KDM2B: variants seen among roughly 807,000 people sequenced by gnomAD.
The protein encoded by KDM2B is lysine demethylase 2B.
A neutral mutation model predicts 150.0 loss-of-function variants in KDM2B; 26 were observed. The observed-to-expected ratio is 0.17, with a 90% CI of 0.13 to 0.24. The LOEUF (loss-of-function observed/expected upper bound fraction) is 0.24. KDM2B is among the 10% of genes least tolerant of loss of function. KDM2B has a pLI of 1.00. For missense variants in KDM2B, 1,265 were observed against 1,816.9 expected (o/e 0.70, Z 5.52); for synonymous variants, 734 against 729.5 (o/e 1.01, Z -0.10).
At chr12:121,541,085 A>G (rs1229139903) in intron 6 of KDM2B, among the ~76,000 whole-genome samples, 1 of 151,962 alleles carries the variant, frequency 6.6e-6, no homozygotes, top group Non-Finnish European at 1.5e-5. Flanking sequence ...ATACAAAATT[A>G]GCCAGCCGTG....
intron 6 of KDM2B, among the ~76,000 whole-genome samples, chr12:121,546,590 A>C (rs1555310739): frequency 6.7e-6 from 1 of 149,860 alleles, no homozygotes; most frequent in Non-Finnish European, 1.5e-5. Flanking sequence ...TGTTTAGTAG[A>C]GACGGGGTTT....
At position 121,520,854 on chromosome 12, in the gene KDM2B, C is replaced by A; in HGVS notation, c.1047+131G>T. The stretch of plus-strand genomic sequence containing the variant: ...CCCCGCCACAGAACCAGGACTGAAG[C>A]CAGCTTGAGAGAGGAATCGGGAGGG... On this transcript the variant is annotated intron_variant, in intron 9 of 22. Transcript: ENST00000377071. This position sits in a 1 kb window ranked among gnomAD's most constrained non-coding sequence, Gnocchi z 4.5. The A allele has an allele frequency of 3.6e-6, 2 of 555,162 alleles. No homozygotes were observed. Among genetic ancestry groups the A allele is most frequent in the East Asian group, 3.7e-5 (1 of 26,824 alleles). 34.4% of individuals were successfully genotyped at this position (555,162 alleles called of 1,614,324 possible).
At chr12:121,501,978 C>CA (rs1555302052) in intron 11 of KDM2B, among the ~76,000 whole-genome samples, 4 of 152,166 alleles carry the variant, frequency 2.6e-5, no homozygotes, top group Non-Finnish European at 4.4e-5. Context: ...TTACACCTCA[C>CA]TGTTCTACAT....
At chr12:121,414,782 C>T in the KDM2B span, among the ~76,000 whole-genome samples, 4 of 150,446 alleles carry the variant, frequency 2.7e-5, no homozygotes, top group African/African-American at 9.8e-5. Context: ...AAGCAATTCT[C>T]GTGCCTTTGG....
At chr12:121,425,915 C>T (rs555170090), downstream of KDM2B, among the ~76,000 whole-genome samples, 8 of 152,104 alleles carry the variant, frequency 5.3e-5, no homozygotes, top group East Asian at 3.9e-4. Context: ...TACAGGCACC[C>T]GCCACCACGC....
At chr12:121,508,087 T>C (rs1420684752) in intron 11 of KDM2B, among the ~76,000 whole-genome samples, 1 of 151,994 alleles carries the variant, frequency 6.6e-6, no homozygotes, top group Non-Finnish European at 1.5e-5. Context: ...ATTAGTATGG[T>C]TGTTTTGGGT....
At chr12:121,481,677 A>G (rs926111727) in intron 12 of KDM2B, among the ~76,000 whole-genome samples, 2 of 152,220 alleles carry the variant, frequency 1.3e-5, no homozygotes, top group Non-Finnish European at 2.9e-5. Context: ...GCAATCGGTT[A>G]TAGTACCTGC....
chr12:121,445,514 C>G, intron 13 of KDM2B, 96 bp from the exon 14 acceptor site: 1 of 1,329,350 alleles, frequency 7.5e-7, no homozygotes, highest in Non-Finnish European at 1.0e-6. Flanking sequence ...TCCCCTTGGG[C>G]CTGCCAGGAG....
At chr12:121,471,290 C>G (rs1183536406) in intron 12 of KDM2B, among the ~76,000 whole-genome samples, 2 of 152,120 alleles carry the variant, frequency 1.3e-5, no homozygotes, top group African/African-American at 4.8e-5. Context: ...AAGAGGTCCC[C>G]AAAGCTGATG....
downstream of KDM2B, among the ~76,000 whole-genome samples, chr12:121,426,927 T>C (rs1872538093): frequency 6.6e-6 from 1 of 152,026 alleles, no homozygotes; most frequent in African/African-American, 2.4e-5. Flanking sequence ...CCCAGCCCCA[T>C]GCTGCTTTAA....
intron 6 of KDM2B, chr12:121,536,116 G>A (rs1888073847): frequency 8.1e-6 from 8 of 985,552 alleles, no homozygotes; most frequent in Non-Finnish European, 9.6e-6. Flanking sequence ...GCGCCGGCAC[G>A]AGTGGAGATA....
chr12:121,523,680 G>A (rs971506161), intron 8 of KDM2B, among the ~76,000 whole-genome samples: 14 of 152,336 alleles, frequency 9.2e-5, no homozygotes, highest in African/African-American at 3.1e-4. Flanking sequence ...CCAGGGCAAC[G>A]CATGGAACAG....
At chr12:121,454,438 G>A (rs1224653126) in intron 12 of KDM2B, among the ~76,000 whole-genome samples, 4 of 152,242 alleles carry the variant, frequency 2.6e-5, no homozygotes, top group East Asian at 3.9e-4. Flanking sequence ...CCAGGAAAAT[G>A]GGACAGCCAC....
rs1880353798 is a variant in KDM2B at position 121,468,331 on chromosome 12, C to G, written c.1735-14987G>C. 2 of 152,196 alleles carry G rather than the reference C, an allele frequency of 1.3e-5. No individual in the cohort carries two copies. The highest frequency in any genetic ancestry group is 2.9e-5 in the Non-Finnish European group (2 of 68,046). 9.4% of individuals were successfully genotyped at this position (152,196 alleles called of 1,614,324 possible). A position where few individuals can be genotyped will look rare whatever the true frequency, so the allele number is the denominator to read the frequency against. Reference sequence around the variant, plus strand: ...ATCTTCATTCATTCAAAAAAAAAGTCTATCGGGCACTTAAGCCAGCAGCCT... The same window carrying G: ...ATCTTCATTCATTCAAAAAAAAAGTGTATCGGGCACTTAAGCCAGCAGCCT... On this transcript the variant is annotated intron_variant, in intron 12 of 22. Coordinates refer to ENST00000377071, the MANE Select transcript of KDM2B (RefSeq NM_032590.5). This position sits in a 1 kb window ranked among gnomAD's most constrained non-coding sequence, Gnocchi z 4.0.
chr12:121,535,880 TGAC>T (rs1404098010), intron 6 of KDM2B: 5 of 171,124 alleles, frequency 2.9e-5, no homozygotes, highest in Non-Finnish European at 5.9e-5. Context: ...GCCTGGCACA[TGAC>T]GGTGCCAGGG....
rs532142974 is a variant in KDM2B at position 121,465,122 on chromosome 12, C to G, written c.1735-11778G>C. ...CATCTTAAAGTTAACAATACAACCT[C>G]AAGTCGTTGCTAAGGACTCCACAAG... On this transcript the variant is annotated intron_variant, in intron 12 of 22. Coordinates refer to ENST00000377071, the MANE Select transcript of KDM2B (RefSeq NM_032590.5). Among the ~76,000 whole-genome samples, 24 of 152,318 alleles carry G rather than the reference C, an allele frequency of 1.6e-4. 1 individual carries two copies. The South Asian group carries it at 4.6e-3, about 29-fold the overall frequency.
intron 4 of KDM2B, chr12:121,574,281 C>G: frequency 2.6e-6 from 1 of 384,406 alleles, no homozygotes; most frequent in Admixed American, 4.2e-5. Flanking sequence ...TCTCAGATTG[C>G]GTTGCTGACA....
At chr12:121,574,668 A>G (rs902636606) in intron 3 of KDM2B, 75 bp from the exon 4 acceptor site, 2 of 1,371,512 alleles carry the variant, frequency 1.5e-6, no homozygotes, top group African/African-American at 2.9e-5. Flanking sequence ...GCCCGGGGGG[A>G]AGCCATTTTT....
chr12:121,416,396 TACATAACA>T, the KDM2B span: 1 of 1,513,194 alleles, frequency 6.6e-7, no homozygotes, highest in Non-Finnish European at 9.2e-7. Context: ...GATGAAATGT[TACATAACA>T]ACACACATGG....
Sources: gnomAD v4.1 joint callset for allele counts (sites outside exome capture counted in the v4.1 genomes callset) on GRCh38, gnomAD v4.1.1 for gene constraint, Gnocchi (gnomAD v3.1) non-coding constraint, MANE v1.5 for transcripts, NCBI Gene and HGNC (gene_info 2026-07-23, HGNC 2026-07-21) for gene names.